KIDINS220: variants seen among roughly 807,000 people sequenced by gnomAD.
The protein encoded by KIDINS220 is kinase D interacting substrate 220.
Under a neutral mutation model 157.6 loss-of-function variants are expected in KIDINS220, and 63 were observed. The ratio of observed to expected loss-of-function variants is 0.40; its 90% CI spans 0.33 to 0.49. The LOEUF is 0.49. Ranked by LOEUF, KIDINS220 falls within the 20% of genes least tolerant of loss-of-function variation. KIDINS220 has a pLI of 0.66. For missense variants in KIDINS220, 1,772 were observed against 2,171.2 expected (o/e 0.82, Z 3.65); for synonymous variants, 732 against 783.6 (o/e 0.93, Z 1.10).
chr2:8,770,601 T>C lies in KIDINS220; in HGVS notation c.3011+69A>G, dbSNP rs895054814. ...ATATTATTTTGTATTGTCTGCTTTATACGCGTTTTTTTTTTTTTTTTAACT... is the reference window on the plus strand; with the variant it reads ...ATATTATTTTGTATTGTCTGCTTTACACGCGTTTTTTTTTTTTTTTTAACT... On this transcript the variant is annotated intron_variant, in intron 22 of 29. Coordinates refer to ENST00000256707, the MANE Select transcript of KIDINS220 (RefSeq NM_020738.4). 4.7e-4 allele frequency: 396 copies of C among 849,998 alleles called. 1 individual carries two copies. The highest frequency in any genetic ancestry group is 6.6e-4 in the Non-Finnish European group (365 of 553,558). The allele number at this position is 849,998 out of a possible 1,614,324, so 52.7% of individuals were successfully genotyped here.
intron 12 of KIDINS220, among the ~76,000 whole-genome samples, chr2:8,793,368 G>A (rs971628444): frequency 3.3e-5 from 5 of 152,014 alleles, no homozygotes; most frequent in Non-Finnish European, 7.4e-5. Flanking sequence ...TGGTAGCATG[G>A]GCCTGTAGTT....
At chr2:8,737,025 G>A (rs1664971738) in intron 26 of KIDINS220, 26 bp from the exon 27 acceptor site, 2 of 1,611,562 alleles carry the variant, frequency 1.2e-6, no homozygotes, top group East Asian at 2.2e-5. Flanking sequence ...AAAAATACAG[G>A]TATGAATAAG....
intron 14 of KIDINS220, among the ~76,000 whole-genome samples, chr2:8,789,363 CTGCAA>C (rs1278287110): frequency 5.8e-5 from 3 of 51,830 alleles, no homozygotes; most frequent in Admixed American, 2.8e-4. Flanking sequence ...TCTCGGCTCA[CTGCAA>C]CCTCCCCCTC....
chr2:8,826,374 C>T (rs926728713), intron 2 of KIDINS220, among the ~76,000 whole-genome samples: 3 of 152,078 alleles, frequency 2.0e-5, no homozygotes, highest in Non-Finnish European at 4.4e-5. Context: ...TTTGGGAGGC[C>T]AAGGTGGGCG....
chr2:8,793,383 G>A (rs1470532079), intron 12 of KIDINS220, among the ~76,000 whole-genome samples: 1 of 152,106 alleles, frequency 6.6e-6, no homozygotes, highest in Non-Finnish European at 1.5e-5. Context: ...GTAGTTCCAA[G>A]TACTCAGGAG....
chr2:8,815,264 G>A (rs765981533), intron 4 of KIDINS220, among the ~76,000 whole-genome samples: 1 of 151,698 alleles, frequency 6.6e-6, no homozygotes, highest in Non-Finnish European at 1.5e-5. Context: ...AGCCAGCCAC[G>A]GTGGTGTGTG....
intron 26 of KIDINS220, chr2:8,737,248 A>G: frequency 3.1e-6 from 1 of 326,422 alleles, no homozygotes; most frequent in East Asian, 5.2e-5. Context: ...AGAACATTTC[A>G]TGAACAAAGC....
In KIDINS220 at chr2:8,730,305, C is replaced by T; in HGVS notation, c.*415G>A. The T allele has an allele frequency of 1.0e-6, 1 of 1,002,842 alleles. No individual in the cohort carries two copies. The highest frequency in any genetic ancestry group is 1.2e-6 in the Non-Finnish European group (1 of 841,254). 62.1% of individuals were successfully genotyped at this position (1,002,842 alleles called of 1,614,324 possible). A position where few individuals can be genotyped will look rare whatever the true frequency, so the allele number is the denominator to read the frequency against. ...CCCCTAAGAGCAGGGTTTGCTTCTG[C>T]TTCACCTAACGCCACGTCTTCCCTC... On this transcript the variant is annotated 3_prime_UTR_variant, in exon 30 of 30. Transcript: ENST00000256707.
Position 8,729,410 on chromosome 2 carries a change from G to A in KIDINS220, c.*1310C>T. 4.1e-6 allele frequency: 4 copies of A among 985,398 alleles called. No homozygotes were observed. The highest frequency in any genetic ancestry group is 1.7e-5 in the African/African-American group (1 of 57,350). 61.0% of individuals were successfully genotyped at this position (985,398 alleles called of 1,614,324 possible). ...CATCTACCGTCCTAACTGTGACTTG[G>A]GGTAAACCACCAGAATTCATTCTAC... is the stretch of plus-strand genomic sequence containing the variant. On this transcript the variant is annotated 3_prime_UTR_variant, in exon 30 of 30. Coordinates refer to ENST00000256707, the MANE Select transcript of KIDINS220 (RefSeq NM_020738.4).
At chr2:8,747,085 C>T (rs560956453) in intron 26 of KIDINS220, 60 bp downstream of exon 26, 11 of 1,465,782 alleles carry the variant, frequency 7.5e-6, no homozygotes, top group Middle Eastern at 1.7e-4. Context: ...TTAAGACAGT[C>T]ATTACTGAGG....
At chr2:8,789,802 T>A in intron 14 of KIDINS220, 78 bp downstream of exon 14, 1 of 1,111,802 alleles carries the variant, frequency 9.0e-7, no homozygotes, top group Non-Finnish European at 1.3e-6. Context: ...AAAAGACAGA[T>A]AAAGAAAATG....
intron 2 of KIDINS220, among the ~76,000 whole-genome samples, chr2:8,821,400 A>G (rs186925489): frequency 2.0e-4 from 31 of 151,258 alleles, no homozygotes; most frequent in Admixed American, 5.3e-4. Flanking sequence ...ATAATCCCAC[A>G]ACGGTGCCCT....
intron 5 of KIDINS220, among the ~76,000 whole-genome samples, chr2:8,812,845 G>A (rs1457768468): frequency 2.0e-5 from 3 of 151,996 alleles, no homozygotes; most frequent in Non-Finnish European, 4.4e-5. Flanking sequence ...TAAGAAGAAA[G>A]CAAAATAAGA....
At chr2:8,744,383 AAAAAAATATATATATAT>A (rs1558327924) in intron 26 of KIDINS220, among the ~76,000 whole-genome samples, 45 of 28,908 alleles carry the variant, frequency 1.6e-3, no homozygotes, top group East Asian at 5.8e-3. Flanking sequence ...AAAAAAAAAA[AAAAAAATATATATATAT>A]AATATATATA....
intron 22 of KIDINS220, among the ~76,000 whole-genome samples, chr2:8,765,893 T>A (rs12987134): frequency 6.6e-6 from 1 of 151,852 alleles, no homozygotes; most frequent in Non-Finnish European, 1.5e-5. Flanking sequence ...ATCTTTACTG[T>A]GGGATAGCCA....
chr2:8,733,685 A>T lies in KIDINS220; in HGVS notation c.3817-5T>A, dbSNP rs1664464679. 1 of 1,493,454 alleles carries T rather than the reference A, an allele frequency of 6.7e-7. No individual in the cohort carries two copies. The highest frequency in any genetic ancestry group is 9.0e-7 in the Non-Finnish European group (1 of 1,109,198). 92.5% of individuals were successfully genotyped at this position (1,493,454 alleles called of 1,614,324 possible). A position where few individuals can be genotyped will look rare whatever the true frequency, so the allele number is the denominator to read the frequency against. On this transcript the variant is annotated splice_polypyrimidine_tract_variant and splice_region_variant and intron_variant, in intron 28 of 29. Coordinates refer to ENST00000256707, the MANE Select transcript of KIDINS220 (RefSeq NM_020738.4). ...TGCGTTTCTCATTTCTAGTACCTTA[A>T]CAGAAGAAAAACATAAATATTTACA...
chr2:8,789,818 T>C lies in KIDINS220; in HGVS notation c.1621+62A>G, dbSNP rs1672942737. On this transcript the variant is annotated intron_variant, in intron 14 of 29. Transcript: ENST00000256707. Reference sequence around the variant, plus strand: ...AAAGACAGATAAAGAAAATGTTTTTTCTTTATCTATGAATCTTAACGTTTT... The same window carrying C: ...AAAGACAGATAAAGAAAATGTTTTTCCTTTATCTATGAATCTTAACGTTTT... 11 of 1,249,970 alleles carry C rather than the reference T, an allele frequency of 8.8e-6. 1 individual carries two copies. The South Asian group carries it at 1.1e-4, about 13-fold the overall frequency. 77.4% of individuals were successfully genotyped at this position (1,249,970 alleles called of 1,614,324 possible).
At chr2:8,733,322 C>A in intron 29 of KIDINS220, 122 bp downstream of exon 29, 1 of 845,456 alleles carries the variant, frequency 1.2e-6, no homozygotes, top group Non-Finnish European at 1.9e-6. Context: ...CATCTTGTCT[C>A]CTGTTCACTT....
chr2:8,754,122 T>C (rs1461772560), intron 22 of KIDINS220, among the ~76,000 whole-genome samples: 1 of 152,172 alleles, frequency 6.6e-6, no homozygotes, highest in Non-Finnish European at 1.5e-5. Context: ...AAAGAGAAGC[T>C]AGAAAGATTT....
Sources: allele counts gnomAD v4.1 joint callset (sites outside exome capture counted in the v4.1 genomes callset), GRCh38; gene constraint gnomAD v4.1.1; transcripts MANE v1.5; gene names NCBI Gene and HGNC (gene_info 2026-07-23, HGNC 2026-07-21).